Variants in MACROD2 observed in about 807,000 individuals in gnomAD.
The protein encoded by MACROD2 is ADP-ribose glycohydrolase MACROD2.
Under a neutral mutation model 70.4 loss-of-function variants are expected in MACROD2, and 36 were observed. The ratio of observed to expected loss-of-function variants is 0.51; its 90% CI spans 0.39 to 0.68. MACROD2 has a LOEUF of 0.68. Ranked by LOEUF, MACROD2 falls within the 30% of genes least tolerant of loss-of-function variation. MACROD2 has a pLI of 0.00. For missense variants in MACROD2, 496 were observed against 538.4 expected (o/e 0.92, Z 0.78); for synonymous variants, 172 against 178.8 (o/e 0.96, Z 0.30).
chr20:15,678,524 T>TG (rs1428553768), intron 8 of MACROD2, among the ~76,000 whole-genome samples: 2 of 151,980 alleles, frequency 1.3e-5, no homozygotes, highest in Non-Finnish European at 2.9e-5. Flanking sequence ...CATGCCTGGC[T>TG]AATTTTTTGT....
chr20:14,126,075 T>C (rs888802072), intron 3 of MACROD2, among the ~76,000 whole-genome samples: 1 of 152,170 alleles, frequency 6.6e-6, no homozygotes, highest in African/African-American at 2.4e-5. Context: ...TGTATTCTGT[T>C]TTAGTTTACT....
chr20:15,680,751 A>G (rs2050149225), intron 8 of MACROD2, among the ~76,000 whole-genome samples: 1 of 152,226 alleles, frequency 6.6e-6, no homozygotes, highest in Admixed American at 6.5e-5. Context: ...GATTAGTGCG[A>G]ACCAACCACA....
At chr20:15,337,946 G>A (rs1387046195) in intron 6 of MACROD2, among the ~76,000 whole-genome samples, 1 of 151,734 alleles carries the variant, frequency 6.6e-6, no homozygotes, top group East Asian at 1.9e-4. Flanking sequence ...TTACGTTTGT[G>A]TTTTGTTTAC....
chr20:14,752,523 GT>G (rs1461422582), intron 5 of MACROD2, among the ~76,000 whole-genome samples: 1 of 151,982 alleles, frequency 6.6e-6, no homozygotes, highest in Non-Finnish European at 1.5e-5. Context: ...TCTCTCACCT[GT>G]AGCATTGTAT....
intron 5 of MACROD2, among the ~76,000 whole-genome samples, chr20:15,089,985 G>A (rs1173051733): frequency 6.6e-6 from 1 of 152,118 alleles, no homozygotes; most frequent in Non-Finnish European, 1.5e-5. Flanking sequence ...TAAGCCATGT[G>A]TGATAGGGCT....
chr20:15,967,749 T>TG, intron 13 of MACROD2, 119 bp downstream of exon 13: 1 of 833,528 alleles, frequency 1.2e-6, no homozygotes, highest in Non-Finnish European at 1.8e-6. Context: ...CCAATAACAC[T>TG]TTATTAGCAC....
chr20:15,721,159 G>A (rs991963192), intron 8 of MACROD2, among the ~76,000 whole-genome samples: 1 of 152,172 alleles, frequency 6.6e-6, no homozygotes, highest in African/African-American at 2.4e-5. Context: ...CATGCCATGA[G>A]CATATCACTA....
Position 15,769,164 on chromosome 20 carries a change from T to G in MACROD2, c.646-93581T>G, listed in dbSNP as rs138495262. 7.3e-4 allele frequency among the ~76,000 whole-genome samples: 111 copies of G among 152,380 alleles called. 1 individual carries two copies. Among genetic ancestry groups the G allele is most frequent in the African/African-American group, 2.6e-3 (108 of 41,598 alleles). Reference sequence around the variant, plus strand: ...TTTGTTTTGTGTTTTTTTGTTTTTTTTGAGACGGAGTCTCACTCTCTCACC... The same window carrying G: ...TTTGTTTTGTGTTTTTTTGTTTTTTGTGAGACGGAGTCTCACTCTCTCACC... On this transcript the variant is annotated intron_variant, in intron 8 of 17. Transcript: ENST00000684519.
intron 3 of MACROD2, among the ~76,000 whole-genome samples, chr20:14,458,622 G>A (rs1238249799): frequency 1.3e-5 from 2 of 151,970 alleles, no homozygotes; most frequent in African/African-American, 4.8e-5. Context: ...ACTCTGAGAG[G>A]GCATGAAAGC....
intron 3 of MACROD2, chr20:14,327,051 G>A (rs749538042): frequency 6.8e-6 from 11 of 1,613,746 alleles, no homozygotes; most frequent in Admixed American, 5.0e-5. Context: ...GATAGTTGCT[G>A]TCTCGGAATG....
At chr20:15,566,285 A>G (rs547315019) in intron 8 of MACROD2, among the ~76,000 whole-genome samples, 20 of 152,056 alleles carry the variant, frequency 1.3e-4, no homozygotes, top group African/African-American at 4.8e-4. Flanking sequence ...AGAGTTCAAG[A>G]CCAGCCTGGC....
intron 5 of MACROD2, among the ~76,000 whole-genome samples, chr20:15,051,338 ATGTGTGTGTGTGTGTG>A (rs6147297): frequency 0.15 from 19,582 of 129,296 alleles, 1,642 homozygotes; most frequent in African/African-American, 0.18. Flanking sequence ...TCAGTAGGAG[ATGTGTGTGTGTGTGTG>A]TGTGTGTGTG....
At chr20:15,024,125 A>C (rs552974894) in intron 5 of MACROD2, among the ~76,000 whole-genome samples, 6 of 152,330 alleles carry the variant, frequency 3.9e-5, no homozygotes, top group African/African-American at 1.2e-4. Flanking sequence ...AATTAGATTT[A>C]TCTCTCCCAC....
intron 4 of MACROD2, among the ~76,000 whole-genome samples, chr20:14,581,195 C>G (rs1980993390): frequency 6.6e-6 from 1 of 152,192 alleles, no homozygotes; most frequent in South Asian, 2.1e-4. Context: ...ACTTAAAACA[C>G]TCTTGGTTTT....
At chr20:15,878,533 G>A (rs567770565) in intron 9 of MACROD2, among the ~76,000 whole-genome samples, 5 of 152,144 alleles carry the variant, frequency 3.3e-5, no homozygotes, top group African/African-American at 9.6e-5. Flanking sequence ...AAAGTTCTAC[G>A]GGGTTTTCTT....
intron 8 of MACROD2, among the ~76,000 whole-genome samples, chr20:15,650,265 G>A (rs774916676): frequency 1.3e-5 from 2 of 152,128 alleles, no homozygotes; most frequent in Non-Finnish European, 2.9e-5. Context: ...AAAGCTGAAC[G>A]TCAACCTCCT....
chr20:14,100,186 T>C (rs1362160991), intron 3 of MACROD2, among the ~76,000 whole-genome samples: 1 of 152,030 alleles, frequency 6.6e-6, no homozygotes, highest in Non-Finnish European at 1.5e-5. Flanking sequence ...AAAAAGTTTT[T>C]GGAATGATAT....
At chr20:14,359,272 C>T (rs533272719) in intron 3 of MACROD2, among the ~76,000 whole-genome samples, 7 of 152,044 alleles carry the variant, frequency 4.6e-5, no homozygotes, top group African/African-American at 1.4e-4. Context: ...TCAGAGTTCA[C>T]ATGCAAAAAT....
At chr20:14,657,050 G>A (rs1312204429) in intron 4 of MACROD2, among the ~76,000 whole-genome samples, 4 of 152,108 alleles carry the variant, frequency 2.6e-5, no homozygotes, top group African/African-American at 9.7e-5. Flanking sequence ...CTCACAAGAA[G>A]GGAAATACAT....
Sources: allele counts gnomAD v4.1 joint callset (sites outside exome capture counted in the v4.1 genomes callset), GRCh38; gene constraint gnomAD v4.1.1; transcripts MANE v1.5; gene names NCBI Gene and HGNC (gene_info 2026-07-23, HGNC 2026-07-21).